The following AHCYL1 variants were observed in gnomAD, a reference collection of about 807,000 sequenced individuals.
The protein encoded by AHCYL1 is S-adenosylhomocysteine hydrolase-like protein 1.
Under a neutral mutation model 79.3 loss-of-function variants are expected in AHCYL1, and 20 were observed. The ratio of observed to expected loss-of-function variants is 0.25; its 90% CI spans 0.18 to 0.37. The LOEUF is 0.37. AHCYL1 is among the 10% of genes least tolerant of loss of function. The pLI is 1.00. For synonymous variants in AHCYL1, 223 were observed against 242.2 expected (o/e 0.92, Z 0.74); for missense variants, 330 against 673.6 (o/e 0.49, Z 5.65).
intron 15 of AHCYL1, 87 bp from the exon 16 acceptor site, chr1:110,020,644 A>T: frequency 1.4e-6 from 2 of 1,474,852 alleles, no homozygotes; most frequent in Non-Finnish European, 1.8e-6. Context: ...CTGCTTTCTT[A>T]AAAAAGCTTC....
At chr1:109,993,892 T>C (rs1309546740) in intron 1 of AHCYL1, among the ~76,000 whole-genome samples, 1 of 152,118 alleles carries the variant, frequency 6.6e-6, no homozygotes, top group Non-Finnish European at 1.5e-5. Flanking sequence ...TCACATAGGG[T>C]ATTTGAGGTT....
At chr1:110,013,322 C>T (rs1278394915) in intron 5 of AHCYL1, among the ~76,000 whole-genome samples, 3 of 152,142 alleles carry the variant, frequency 2.0e-5, no homozygotes. Flanking sequence ...TAAGAAGTAC[C>T]TTTCATATTG....
At chr1:109,995,369 A>G (rs1432463985) in intron 1 of AHCYL1, among the ~76,000 whole-genome samples, 1 of 152,188 alleles carries the variant, frequency 6.6e-6, no homozygotes, top group East Asian at 1.9e-4. Flanking sequence ...GAATGAGAGC[A>G]CTTTGCCAAT....
intron 6 of AHCYL1, 80 bp from the exon 7 acceptor site, chr1:110,015,345 C>A: frequency 1.9e-6 from 2 of 1,080,522 alleles, no homozygotes; most frequent in South Asian, 2.6e-5. Flanking sequence ...GGCTCTCTTA[C>A]TAGTACAGAA....
At chr1:110,012,612 G>A (rs911326675) in intron 4 of AHCYL1, 150 bp downstream of exon 4, 1 of 669,620 alleles carries the variant, frequency 1.5e-6, no homozygotes. Context: ...GGTTTTCTGG[G>A]TTTTTTTTTA....
At chr1:110,012,587 G>T in intron 4 of AHCYL1, 125 bp downstream of exon 4, 3 of 780,838 alleles carry the variant, frequency 3.8e-6, no homozygotes, top group Non-Finnish European at 5.6e-6. Flanking sequence ...GGATCTCCCT[G>T]TTACACAATA....
At chr1:110,001,025 T>G (rs1650281664) in intron 1 of AHCYL1, 1 of 920,812 alleles carries the variant, frequency 1.1e-6, no homozygotes, top group South Asian at 5.0e-5. Context: ...CAATCAACTT[T>G]AAGTAAAAAT....
intron 5 of AHCYL1, 72 bp downstream of exon 5, chr1:110,013,071 A>G: frequency 1.6e-6 from 2 of 1,215,818 alleles, no homozygotes; most frequent in Non-Finnish European, 2.3e-6. Context: ...TTGTATCAAA[A>G]TTGTCATTAC....
intron 1 of AHCYL1, among the ~76,000 whole-genome samples, chr1:110,005,336 AGTTAAACC>A (rs1650578379): frequency 6.6e-6 from 1 of 151,998 alleles, no homozygotes; most frequent in African/African-American, 2.4e-5. Flanking sequence ...AAGATGTCTA[AGTTAAACC>A]TAAGTTAAAC....
intron 1 of AHCYL1, among the ~76,000 whole-genome samples, chr1:110,007,678 A>G (rs1650743130): frequency 6.6e-6 from 1 of 152,216 alleles, no homozygotes; most frequent in Non-Finnish European, 1.5e-5. Flanking sequence ...TTTAATCTGT[A>G]GTCATTTACA....
intron 13 of AHCYL1, 92 bp downstream of exon 13, chr1:110,018,742 G>A: frequency 8.5e-7 from 1 of 1,177,722 alleles, no homozygotes. Flanking sequence ...TTAGGCCTAT[G>A]TTTCCCTGAA....
chr1:110,013,533 AACCCC>A (rs1206298051), intron 5 of AHCYL1, among the ~76,000 whole-genome samples: 1 of 152,080 alleles, frequency 6.6e-6, no homozygotes, highest in Non-Finnish European at 1.5e-5. Flanking sequence ...AACATGGTGA[AACCCC>A]ACCTCTACTA....
intron 1 of AHCYL1, among the ~76,000 whole-genome samples, chr1:109,994,954 C>T (rs1035826744): frequency 1.3e-5 from 2 of 152,104 alleles, no homozygotes; most frequent in African/African-American, 4.8e-5. Flanking sequence ...ATGGTGTTCT[C>T]AGTGTAATAA....
intron 1 of AHCYL1, among the ~76,000 whole-genome samples, chr1:109,997,991 G>A (rs1404727206): frequency 4.6e-5 from 7 of 152,174 alleles, no homozygotes; most frequent in Non-Finnish European, 7.4e-5. Context: ...AGAGGAGTGA[G>A]GAGGCTCTAG....
chr1:110,016,752 T>C (rs404275), intron 9 of AHCYL1, 22 bp downstream of exon 9: 1 of 1,613,608 alleles, frequency 6.2e-7, no homozygotes, highest in Non-Finnish European at 8.5e-7. Context: ...GGTCTCAGTG[T>C]CTCTTTCTTT....
chr1:110,021,637 G>C (rs369168626), intron 16 of AHCYL1, 37 bp from the exon 17 acceptor site: 37 of 1,605,350 alleles, frequency 2.3e-5, no homozygotes, highest in Non-Finnish European at 2.2e-5. Context: ...TCATATGGAA[G>C]ACATAAGTGT....
chr1:110,018,289 TG>T, intron 11 of AHCYL1, 83 bp from the exon 12 acceptor site: 2 of 1,297,406 alleles, frequency 1.5e-6, no homozygotes, highest in Non-Finnish European at 2.2e-6. Context: ...AGCAAGCCTC[TG>T]GTCTCCTATG....
intron 1 of AHCYL1, chr1:109,995,736 C>G: frequency 1.0e-6 from 1 of 968,970 alleles, no homozygotes; most frequent in Non-Finnish European, 1.2e-6. Context: ...TTCGCAATAA[C>G]TCATTACCTG....
chr1:109,985,617 A>G, intron 1 of AHCYL1: 1 of 921,170 alleles, frequency 1.1e-6, no homozygotes, highest in Non-Finnish European at 1.3e-6. Context: ...CAACTGCGTG[A>G]TAGCTGGGAG....
Sources: gnomAD v4.1 joint callset for allele counts (sites outside exome capture counted in the v4.1 genomes callset) on GRCh38, gnomAD v4.1.1 for gene constraint, MANE v1.5 for transcripts, NCBI Gene and HGNC (gene_info 2026-07-23, HGNC 2026-07-21) for gene names.